PCDHGA4: variants seen among roughly 807,000 people sequenced by gnomAD.
PCDHGA4 encodes the protein protocadherin gamma-A4.
A neutral mutation model predicts 54.6 loss-of-function variants in PCDHGA4; 38 were observed. The ratio of observed to expected loss-of-function variants is 0.70; its 90% CI spans 0.54 to 0.91. The LOEUF is 0.91. Among genes scored for constraint, PCDHGA4 ranks in the 40% least tolerant of loss-of-function variants. PCDHGA4 has a pLI of 0.00. For synonymous variants in PCDHGA4, 511 were observed against 512.9 expected, an observed-to-expected ratio of 1.00 and a Z score of 0.05; for missense variants, 1,298 against 1,220.9, an observed-to-expected ratio of 1.06 and a Z score of -0.94.
Position 141,490,348 on chromosome 5 carries a change from G to T in PCDHGA4, c.2515-4459G>T, listed in dbSNP as rs2099698964. On this transcript the variant is annotated intron_variant, in intron 1 of 3. Transcript: ENST00000571252. The surrounding 1 kb of genome is among the most constrained non-coding windows in gnomAD (Gnocchi z 5.4). ...GAGCACACCAGTGGGCACAGTAGTG[G>T]GGTTGTTTAATGTGCGAGACCGGGA... The T allele has an allele frequency of 1.2e-6, 2 of 1,614,080 alleles. No homozygotes were observed. The highest frequency in any genetic ancestry group is 3.3e-5 in the Admixed American group (2 of 60,018).
intron 1 of PCDHGA4, chr5:141,408,109 C>T (rs1011504923): frequency 3.5e-6 from 5 of 1,445,662 alleles, no homozygotes; most frequent in Non-Finnish European, 4.6e-6. Flanking sequence ...AGACCCGGGA[C>T]TCCTCCTGTC....
rs145463208 is a variant in PCDHGA4 at position 141,370,418 on chromosome 5, G to A, written c.2514+12797G>A. ...GGATGGGAAATAGCTCCGGATGGAG[G>A]GGCCCAGCAGGGCAGAGGCGAATGC... is the stretch of plus-strand genomic sequence containing the variant. On this transcript the variant is annotated intron_variant, in intron 1 of 3. Coordinates refer to ENST00000571252, the MANE Select transcript of PCDHGA4 (RefSeq NM_018917.4). 1.7e-5 allele frequency: 26 copies of A among 1,570,524 alleles called. 1 individual carries two copies. The Middle Eastern group carries it at 5.2e-4, about 31-fold the overall frequency.
At chr5:141,453,745 A>G (rs1208061874) in intron 1 of PCDHGA4, among the ~76,000 whole-genome samples, 1 of 152,264 alleles carries the variant, frequency 6.6e-6, no homozygotes, top group African/African-American at 2.4e-5. Context: ...CTTAAATAAC[A>G]TAAGTCTCCT....
intron 1 of PCDHGA4, chr5:141,409,635 AC>A: frequency 6.2e-7 from 1 of 1,613,784 alleles, no homozygotes; most frequent in Non-Finnish European, 8.5e-7. Context: ...AGCGCCTCTG[AC>A]CCGGATTTGG....
intron 1 of PCDHGA4, chr5:141,393,283 C>T (rs2150516449): frequency 6.2e-7 from 1 of 1,613,988 alleles, no homozygotes; most frequent in Middle Eastern, 1.6e-4. Flanking sequence ...CTCCCAGAAG[C>T]TGTTGACCCG....
In PCDHGA4 at chr5:141,489,153, G is replaced by C; in HGVS notation, c.2515-5654G>C. Reference sequence around the variant, plus strand: ...TTTAAGAGGCTGGAAGGAGACATAAGAGACTTCAGCTGCTGCATTCCAAGC... The same window carrying C: ...TTTAAGAGGCTGGAAGGAGACATAACAGACTTCAGCTGCTGCATTCCAAGC... On this transcript the variant is annotated intron_variant, in intron 1 of 3. Coordinates refer to ENST00000571252, the MANE Select transcript of PCDHGA4 (RefSeq NM_018917.4). This position sits in a 1 kb window ranked among gnomAD's most constrained non-coding sequence, Gnocchi z 4.5. 1 of 935,832 alleles carries C rather than the reference G, an allele frequency of 1.1e-6. No individual in the cohort carries two copies. Among genetic ancestry groups the C allele is most frequent in the Non-Finnish European group, 1.6e-6 (1 of 627,178 alleles). The allele number at this position is 935,832 out of a possible 1,614,324, so 58.0% of individuals were successfully genotyped here.
Position 141,357,306 on chromosome 5 carries a change from C to A in PCDHGA4, c.2199C>A (p.Cys733Ter), listed in dbSNP as rs761493933. The change falls in exon 1 of 4, where the codon TGC becomes TGA. Residue 733 changes from cysteine (C) to a stop codon, truncating the protein, a stop_gained. Transcript: ENST00000571252. LOFTEE classifies it high-confidence loss of function. Reference protein sequence around the residue: ...YLVVAVAAVSCVFLAFVTVLL... With the variant: ...YLVVAVAAVS ...TGGTGGCAGTGGCCGCTGTCTCCTG[C>A]GTCTTCCTGGCTTTTGTCACGGTGC... 4 of 1,614,076 alleles carry A rather than the reference C, an allele frequency of 2.5e-6. No homozygotes were observed. Among genetic ancestry groups the A allele is most frequent in the South Asian group, 1.1e-5 (1 of 91,086 alleles).
chr5:141,366,854 C>A (rs1018356495), intron 1 of PCDHGA4: 8 of 1,453,350 alleles, frequency 5.5e-6, no homozygotes, highest in Non-Finnish European at 7.4e-6. Context: ...AATAGTGGAA[C>A]ATTATTTGCT....
rs775290219 is a variant in PCDHGA4 at position 141,423,576 on chromosome 5, G to A, written c.2514+65955G>A. On this transcript the variant is annotated intron_variant, in intron 1 of 3. Transcript: ENST00000571252. ...ACTATGGGGACACGCTCATCAGCCAGGAGAGCTGTGAGAAAAGCGAGCCAC... is the reference window on the plus strand; with the variant it reads ...ACTATGGGGACACGCTCATCAGCCAAGAGAGCTGTGAGAAAAGCGAGCCAC... The A allele has an allele frequency of 1.9e-6, 3 of 1,613,588 alleles. No homozygotes were observed. In the Admixed American group the frequency reaches 5.0e-5, roughly 27 times the overall value.
At chr5:141,364,936 C>T in intron 1 of PCDHGA4, 1 of 1,613,878 alleles carries the variant, frequency 6.2e-7, no homozygotes, top group South Asian at 1.1e-5. Flanking sequence ...CCCTAGACCG[C>T]GAGAAAGAGA....
chr5:141,362,425 G>A, intron 1 of PCDHGA4: 1 of 1,614,008 alleles, frequency 6.2e-7, no homozygotes, highest in South Asian at 1.1e-5. Flanking sequence ...AGCCAAGACA[G>A]AGTTCAATTT....
rs1472816403 is a variant in PCDHGA4 at position 141,451,473 on chromosome 5, C to T, written c.2515-43334C>T. On this transcript the variant is annotated intron_variant, in intron 1 of 3. Transcript: ENST00000571252. ...TGTTAGCTTGAGGTCTACCTCAGTTCCTTGCCATGTGGACCTCCATAGGGC... is the reference window on the plus strand; with the variant it reads ...TGTTAGCTTGAGGTCTACCTCAGTTTCTTGCCATGTGGACCTCCATAGGGC... Among the ~76,000 whole-genome samples the T allele has an allele frequency of 2.0e-5, 3 of 152,218 alleles. No homozygotes were observed. In the East Asian group the frequency reaches 5.8e-4, roughly 29 times the overall value.
intron 1 of PCDHGA4, chr5:141,364,259 C>T: frequency 6.7e-7 from 1 of 1,498,884 alleles, no homozygotes. Context: ...AATATGTACC[C>T]ATCGGCTTTA....
At chr5:141,425,695 T>G (rs1329762653) in intron 1 of PCDHGA4, among the ~76,000 whole-genome samples, 1 of 152,232 alleles carries the variant, frequency 6.6e-6, no homozygotes, top group African/African-American at 2.4e-5. Context: ...TATCATTTCA[T>G]AGTGGTCAAA....
intron 1 of PCDHGA4, among the ~76,000 whole-genome samples, chr5:141,450,685 C>T (rs542985781): frequency 6.6e-6 from 1 of 152,020 alleles, no homozygotes; most frequent in South Asian, 2.1e-4. Context: ...CGGGGTTTTG[C>T]CATGTTGCCC....
intron 1 of PCDHGA4, chr5:141,392,999 C>A: frequency 6.2e-7 from 1 of 1,613,858 alleles, no homozygotes; most frequent in Non-Finnish European, 8.5e-7. Context: ...TGGCGAAGCA[C>A]GGAGTCCGTA....
In PCDHGA4 at chr5:141,477,815, G is replaced by C; in HGVS notation, c.2515-16992G>C. On this transcript the variant is annotated intron_variant, in intron 1 of 3. Coordinates refer to ENST00000571252, the MANE Select transcript of PCDHGA4 (RefSeq NM_018917.4). The surrounding 1 kb of genome is among the most constrained non-coding windows in gnomAD (Gnocchi z 4.9). ...TGATCGCAATGACAATGCCCCCCAG[G>C]TCCTATATCCTCGGCCAGGTGGGAG... 1 of 1,614,106 alleles carries C rather than the reference G, an allele frequency of 6.2e-7. No homozygotes were observed. Among genetic ancestry groups the C allele is most frequent in the Non-Finnish European group, 8.5e-7 (1 of 1,180,034 alleles).
intron 1 of PCDHGA4, chr5:141,376,537 G>A (rs753618601): frequency 1.2e-6 from 2 of 1,613,388 alleles, no homozygotes; most frequent in African/African-American, 1.3e-5. Context: ...AGCGGGAAGA[G>A]TAATCTGATC....
chr5:141,431,355 C>T lies in PCDHGA4; in HGVS notation c.2515-63452C>T. 1 of 1,614,054 alleles carries T rather than the reference C, an allele frequency of 6.2e-7. No homozygotes were observed. Among genetic ancestry groups the T allele is most frequent in the South Asian group, 1.1e-5 (1 of 91,082 alleles). ...TACCCCGAATTGGTGCTGAAACGCG[C>T]CCTGGACCGCGAAGAAAAGGCTGCT... On this transcript the variant is annotated intron_variant, in intron 1 of 3. Transcript: ENST00000571252. The surrounding 1 kb of genome is among the most constrained non-coding windows in gnomAD (Gnocchi z 4.8).
Sources: gnomAD v4.1 joint callset for allele counts (sites outside exome capture counted in the v4.1 genomes callset) on GRCh38, gnomAD v4.1.1 for gene constraint, Gnocchi (gnomAD v3.1) non-coding constraint, MANE v1.5 for transcripts, NCBI Gene and HGNC (gene_info 2026-07-23, HGNC 2026-07-21) for gene names.